The following ERICH6 variants were observed in gnomAD, a reference collection of about 807,000 sequenced individuals.
The protein encoded by ERICH6 is glutamate-rich protein 6.
In ERICH6, 71 loss-of-function variants were observed where a neutral mutation model predicts 71.0. The ratio of observed to expected loss-of-function variants is 1.00; its 90% CI spans 0.83 to 1.22. The LOEUF (loss-of-function observed/expected upper bound fraction) is 1.22, where lower values mean the gene tolerates loss of function less well. ERICH6 is among the 50% of genes most tolerant of loss of function. The probability of loss-of-function intolerance (pLI) is 0.00; values close to 1 mark genes in which losing one functional copy is unlikely to be tolerated. For missense variants in ERICH6, 808 were observed against 797.2 expected (o/e 1.01, Z -0.16); for synonymous variants, 262 against 278.4 (o/e 0.94, Z 0.59).
At chr3:150,671,086 T>C (rs979029930) in intron 11 of ERICH6, among the ~76,000 whole-genome samples, 8 of 152,168 alleles carry the variant, frequency 5.3e-5, no homozygotes, top group African/African-American at 1.9e-4. Flanking sequence ...ATAATAGGAT[T>C]CTGTCTCTAA....
rs6440691 is a variant in ERICH6, at chr3:150,667,020, T to G, written c.1500-5A>C. ...CCCAAGATATTGATGTATACCCTGGTCAGGAAGGAAATGTAAATATCATAA... is the reference window on the plus strand; with the variant it reads ...CCCAAGATATTGATGTATACCCTGGGCAGGAAGGAAATGTAAATATCATAA... On this transcript the variant is annotated splice_region_variant and splice_polypyrimidine_tract_variant and intron_variant, in intron 12 of 13. Transcript: ENST00000295910. 0.9 allele frequency: 1,451,389 copies of G among 1,610,684 alleles called. 654,739 individuals carry two copies. Among genetic ancestry groups the G allele is most frequent in the East Asian group, 1 (44,831 of 44,842 alleles).
At position 150,670,812 on chromosome 3, in the gene ERICH6, C is replaced by A. The variant is rs6776589; in HGVS notation, c.1344-1361G>T. Among the ~76,000 whole-genome samples the A allele has an allele frequency of 3.3e-5, 5 of 152,308 alleles. No individual in the cohort carries two copies. The South Asian group carries it at 6.2e-4, about 19-fold the overall frequency. On this transcript the variant is annotated intron_variant, in intron 11 of 13. Transcript: ENST00000295910. ...ATATACTGAAGATAATTCACTAACT[C>A]TTAATACTCATTTCCATATCCAGGC...
rs748651636 is a variant in ERICH6, at chr3:150,703,782, TTCCTCC to T, written c.111_116del (p.Glu39_Glu40del). 2 of 1,559,216 alleles carry T rather than the reference TTCCTCC, an allele frequency of 1.3e-6. No individual in the cohort carries two copies. Among genetic ancestry groups the T allele is most frequent in the Non-Finnish European group, 1.7e-6 (2 of 1,154,300 alleles). On this transcript the variant is annotated inframe_deletion, in exon 1 of 14. Coordinates refer to ENST00000295910, the MANE Select transcript of ERICH6 (RefSeq NM_152394.5). ...CCTCTTCCTCCTCCTCCTCCACCTC[TTCCTCC>T]TCCTCCTCCACCTCTTCCTCCTCCT...
intron 13 of ERICH6, among the ~76,000 whole-genome samples, chr3:150,666,353 C>A (rs1359057964): frequency 6.6e-6 from 1 of 152,184 alleles, no homozygotes; most frequent in Non-Finnish European, 1.5e-5. Context: ...GTGGTTGAGG[C>A]TGACTGGGTG....
rs1274412995 is a variant in ERICH6 at position 150,660,168 on chromosome 3, G to C, written c.1729-13C>G. 1 of 1,606,566 alleles carries C rather than the reference G, an allele frequency of 6.2e-7. No homozygotes were observed. The highest frequency in any genetic ancestry group is 8.5e-7 in the Non-Finnish European group (1 of 1,175,610). On this transcript the variant is annotated splice_polypyrimidine_tract_variant and intron_variant, in intron 13 of 13. Transcript: ENST00000295910. ...CAGGGTTTGGTAGCTTTTCAGCAAAGAGAAAGAGAAGGAAACTCAGAGTCC... is the reference window on the plus strand; with the variant it reads ...CAGGGTTTGGTAGCTTTTCAGCAAACAGAAAGAGAAGGAAACTCAGAGTCC...
chr3:150,667,173 G>A (rs1301922467), intron 12 of ERICH6, among the ~76,000 whole-genome samples, 158 bp from the exon 13 acceptor site: 1 of 152,144 alleles, frequency 6.6e-6, no homozygotes, highest in Non-Finnish European at 1.5e-5. Context: ...ATAATACTAT[G>A]ACTAAATTCT....
intron 10 of ERICH6, among the ~76,000 whole-genome samples, chr3:150,674,914 C>T (rs1711594523): frequency 6.6e-6 from 1 of 152,030 alleles, no homozygotes. Context: ...AGGTGGATCA[C>T]CTGAGGTCAG....
intron 11 of ERICH6, among the ~76,000 whole-genome samples, chr3:150,670,871 T>G (rs1711499372): frequency 6.6e-6 from 1 of 152,198 alleles, no homozygotes; most frequent in African/African-American, 2.4e-5. Flanking sequence ...ACAAGATTGA[T>G]TCTAAATCAT....
intron 2 of ERICH6, among the ~76,000 whole-genome samples, chr3:150,699,100 C>A (rs1712762815): frequency 6.6e-6 from 1 of 151,994 alleles, no homozygotes; most frequent in African/African-American, 2.4e-5. Context: ...ACCTTGAGCC[C>A]AGGAGTTCAA....
chr3:150,662,077 A>C (rs541523856), intron 13 of ERICH6, among the ~76,000 whole-genome samples: 1 of 152,342 alleles, frequency 6.6e-6, no homozygotes, highest in East Asian at 1.9e-4. Flanking sequence ...ATGGAATAGC[A>C]CTTAAGGTAA....
intron 2 of ERICH6, among the ~76,000 whole-genome samples, chr3:150,700,716 T>A (rs1441053861): frequency 6.6e-6 from 1 of 152,110 alleles, no homozygotes; most frequent in African/African-American, 2.4e-5. Flanking sequence ...CCCAAGTAGC[T>A]GGGAATACAG....
intron 13 of ERICH6, 70 bp downstream of exon 13, chr3:150,666,717 T>C: frequency 7.5e-7 from 1 of 1,340,814 alleles, no homozygotes; most frequent in Non-Finnish European, 1.0e-6. Flanking sequence ...TCAGTAATAA[T>C]ACTAACAAAA....
At position 150,674,009 on chromosome 3, in the gene ERICH6, G is replaced by T; in HGVS notation, c.1290C>A (p.Tyr430Ter). The T allele has an allele frequency of 6.2e-7, 1 of 1,614,090 alleles. No individual in the cohort carries two copies. Among genetic ancestry groups the T allele is most frequent in the Non-Finnish European group, 8.5e-7 (1 of 1,179,992 alleles). ...VVRNELLEKH[Y>*]KHGSKFLTSF... ...AAGTCAGAAACTTGCTCCCATGTTTGTAGTGCTTCTCTAAGAGCTCATTCC... is the reference window on the plus strand; with the variant it reads ...AAGTCAGAAACTTGCTCCCATGTTTTTAGTGCTTCTCTAAGAGCTCATTCC... The change falls in exon 11 of 14, where the codon TAC becomes TAA. Residue 430 changes from tyrosine to a stop codon, truncating the protein, a stop_gained. Coordinates refer to ENST00000295910, the MANE Select transcript of ERICH6 (RefSeq NM_152394.5). LOFTEE classifies it high-confidence loss of function.
intron 3 of ERICH6, among the ~76,000 whole-genome samples, chr3:150,693,144 G>A (rs1215379869): frequency 1.3e-5 from 2 of 152,104 alleles, no homozygotes; most frequent in Non-Finnish European, 2.9e-5. Context: ...GAGTGTATTT[G>A]TTTTCTCTCT....
chr3:150,686,358 T>C lies in ERICH6; in HGVS notation c.554-4A>G, dbSNP rs770282296. ...TTCTCTTTAGAGGCTTTCTTCCCTG[T>C]GAAAACAGGGTACATGTGTCATCAA... On this transcript the variant is annotated splice_region_variant and splice_polypyrimidine_tract_variant and intron_variant, in intron 3 of 13. Transcript: ENST00000295910. The C allele has an allele frequency of 6.2e-7, 1 of 1,614,010 alleles. No homozygotes were observed. The highest frequency in any genetic ancestry group is 2.2e-5 in the East Asian group (1 of 44,888).
At chr3:150,688,595 C>T (rs934801969) in intron 3 of ERICH6, among the ~76,000 whole-genome samples, 1 of 152,220 alleles carries the variant, frequency 6.6e-6, no homozygotes, top group Non-Finnish European at 1.5e-5. Context: ...CTGGGAACTG[C>T]TTAGGGCAAA....
chr3:150,686,826 T>G (rs1179641142), intron 3 of ERICH6, among the ~76,000 whole-genome samples: 3 of 152,236 alleles, frequency 2.0e-5, no homozygotes, highest in Non-Finnish European at 4.4e-5. Flanking sequence ...GGATGCTCTT[T>G]GGCATATCCA....
At chr3:150,702,096 G>A (rs746896999) in intron 2 of ERICH6, 25 bp downstream of exon 2, 1 of 1,463,080 alleles carries the variant, frequency 6.8e-7, no homozygotes, top group African/African-American at 1.4e-5. Flanking sequence ...TTCAAAAAAT[G>A]TGAAATTTGA....
Position 150,661,332 on chromosome 3 carries a change from T to C in ERICH6, c.1729-1177A>G, listed in dbSNP as rs567896612. On this transcript the variant is annotated intron_variant, in intron 13 of 13. Transcript: ENST00000295910. Reference sequence around the variant, plus strand: ...ACCTTTTCCTTTTTGTGTTGAGCACTGATGCCCACAGGCTGAGGCTGGCAG... The same window carrying C: ...ACCTTTTCCTTTTTGTGTTGAGCACCGATGCCCACAGGCTGAGGCTGGCAG... Among the ~76,000 whole-genome samples, 5 of 152,364 alleles carry C rather than the reference T, an allele frequency of 3.3e-5. No individual in the cohort carries two copies. In the South Asian group the frequency reaches 1.0e-3, roughly 32 times the overall value.
Sources: gnomAD v4.1 joint callset for allele counts (sites outside exome capture counted in the v4.1 genomes callset) on GRCh38, gnomAD v4.1.1 for gene constraint, MANE v1.5 for transcripts, NCBI Gene and HGNC (gene_info 2026-07-23, HGNC 2026-07-21) for gene names.